The following XPR1 variants were observed in gnomAD, a reference collection of about 807,000 sequenced individuals.
XPR1 encodes the protein xenotropic and polytropic retrovirus receptor 1.
In XPR1, 28 loss-of-function variants were observed where a neutral mutation model predicts 87.5. The observed-to-expected ratio is 0.32, with a 90% CI of 0.24 to 0.44. The LOEUF (loss-of-function observed/expected upper bound fraction) is 0.44. Ranked by LOEUF, XPR1 falls within the 20% of genes least tolerant of loss-of-function variation. The probability of loss-of-function intolerance (pLI) is 1.00; values close to 1 mark genes in which losing one functional copy is unlikely to be tolerated. For missense variants in XPR1, 559 were observed against 862.3 expected, an observed-to-expected ratio of 0.65 and a Z score of 4.41; for synonymous variants, 300 against 306.1, an observed-to-expected ratio of 0.98 and a Z score of 0.21.
At chr1:180,846,261 CA>C (rs35729459) in intron 11 of XPR1, among the ~76,000 whole-genome samples, 5,887 of 128,210 alleles carry the variant, frequency 0.046, 393 homozygotes, top group African/African-American at 0.16. Flanking sequence ...GACTTCATCT[CA>C]AAAAAAAAAA....
At chr1:180,695,484 G>A (rs953750691) in intron 2 of XPR1, among the ~76,000 whole-genome samples, 2 of 151,866 alleles carry the variant, frequency 1.3e-5, no homozygotes, top group African/African-American at 4.8e-5. Flanking sequence ...CGCTTTTGAA[G>A]TCTTAGTCAT....
chr1:180,723,569 T>G (rs950900545), intron 2 of XPR1, among the ~76,000 whole-genome samples: 1 of 152,160 alleles, frequency 6.6e-6, no homozygotes, highest in Non-Finnish European at 1.5e-5. Flanking sequence ...CTTGAGAAAA[T>G]GCTTCCCATC....
intron 1 of XPR1, 116 bp from the exon 2 acceptor site, chr1:180,682,244 A>G: frequency 1.6e-6 from 1 of 623,350 alleles, no homozygotes; most frequent in Non-Finnish European, 2.6e-6. Context: ...AGTATTTATC[A>G]ATTTAGGGAG....
intron 2 of XPR1, among the ~76,000 whole-genome samples, chr1:180,690,429 G>GTTTTAAT (rs996847266): frequency 2.0e-5 from 3 of 152,092 alleles, no homozygotes; most frequent in Middle Eastern, 3.2e-3. Context: ...ATGACGGTGA[G>GTTTTAAT]TTTTAATAGG....
At chr1:180,826,970 A>G (rs1650869868) in intron 9 of XPR1, among the ~76,000 whole-genome samples, 1 of 151,948 alleles carries the variant, frequency 6.6e-6, no homozygotes, top group African/African-American at 2.4e-5. Context: ...CCTGGCTAAC[A>G]TGGCAAAACC....
chr1:180,839,583 C>T (rs1201172766), intron 11 of XPR1, among the ~76,000 whole-genome samples: 2 of 152,152 alleles, frequency 1.3e-5, no homozygotes, highest in Non-Finnish European at 2.9e-5. Flanking sequence ...GAAAAACTTA[C>T]TCCTCTACCC....
intron 2 of XPR1, among the ~76,000 whole-genome samples, chr1:180,767,131 G>A (rs950780727): frequency 9.2e-5 from 14 of 152,128 alleles, no homozygotes; most frequent in African/African-American, 3.4e-4. Context: ...AAAGGGGGAG[G>A]GGAATCCTAC....
At chr1:180,736,820 C>G (rs575583373) in intron 2 of XPR1, among the ~76,000 whole-genome samples, 1 of 152,120 alleles carries the variant, frequency 6.6e-6, no homozygotes, top group South Asian at 2.1e-4. Context: ...ATGTGTTCAA[C>G]AGTGAGCAGG....
chr1:180,845,555 C>T (rs1169405979), intron 11 of XPR1, among the ~76,000 whole-genome samples: 1 of 152,154 alleles, frequency 6.6e-6, no homozygotes, highest in Non-Finnish European at 1.5e-5. Context: ...CTTGCTCTGT[C>T]ACCCAGGCTG....
At chr1:180,804,374 C>A (rs776032660) in intron 4 of XPR1, among the ~76,000 whole-genome samples, 17 of 152,186 alleles carry the variant, frequency 1.1e-4, no homozygotes, top group Admixed American at 3.3e-4. Flanking sequence ...AAACAAAGAC[C>A]CTGACTTTTC....
intron 2 of XPR1, among the ~76,000 whole-genome samples, chr1:180,704,578 A>G (rs974198944): frequency 2.6e-5 from 4 of 151,612 alleles, no homozygotes; most frequent in East Asian, 1.9e-4. Flanking sequence ...TTCAATTTGT[A>G]TATTTCAATA....
At chr1:180,874,095 A>G in intron 13 of XPR1, 153 bp downstream of exon 13, 1 of 963,402 alleles carries the variant, frequency 1.0e-6, no homozygotes, top group South Asian at 1.8e-5. Context: ...TTGGAAAACC[A>G]TGTTGGCCAG....
intron 3 of XPR1, 55 bp downstream of exon 3, chr1:180,787,909 T>C (rs1649216755): frequency 7.7e-7 from 1 of 1,292,674 alleles, no homozygotes; most frequent in Non-Finnish European, 1.1e-6. Context: ...AATTGTACCA[T>C]ATCATTGTTT....
chr1:180,674,264 T>C (rs2101934589), intron 1 of XPR1, among the ~76,000 whole-genome samples: 1 of 152,310 alleles, frequency 6.6e-6, no homozygotes. Context: ...TGTTTGTTTT[T>C]GTGTTTGTTT....
intron 11 of XPR1, among the ~76,000 whole-genome samples, chr1:180,860,169 A>G (rs1039410890): frequency 6.6e-6 from 1 of 152,274 alleles, no homozygotes; most frequent in Admixed American, 6.5e-5. Flanking sequence ...AGATACTACA[A>G]AATGTCTATT....
intron 1 of XPR1, among the ~76,000 whole-genome samples, chr1:180,657,928 T>C (rs928704046): frequency 6.6e-6 from 1 of 152,208 alleles, no homozygotes; most frequent in African/African-American, 2.4e-5. Context: ...ACATGGAATA[T>C]CTTTCCATTT....
At position 180,853,924 on chromosome 1, in the gene XPR1, G is replaced by A. The variant is rs184373283; in HGVS notation, c.1502-9784G>A. Among the ~76,000 whole-genome samples, 18 of 151,178 alleles carry A rather than the reference G, an allele frequency of 1.2e-4. No homozygotes were observed. In the East Asian group the frequency reaches 3.5e-3, roughly 29 times the overall value. On this transcript the variant is annotated intron_variant, in intron 11 of 14. Transcript: ENST00000367590. ...GTGTAATACAGTTAAAACAGCTATA[G>A]GAATCATTAGGCATGCAGAAAGCAG...
intron 2 of XPR1, among the ~76,000 whole-genome samples, chr1:180,743,350 A>G (rs1438175859): frequency 6.6e-6 from 1 of 151,994 alleles, no homozygotes; most frequent in African/African-American, 2.4e-5. Flanking sequence ...CACTTTAAAC[A>G]GTCTATTTAG....
At chr1:180,883,903 T>A in intron 14 of XPR1, 103 bp from the exon 15 acceptor site, 1 of 981,588 alleles carries the variant, frequency 1.0e-6, no homozygotes. Flanking sequence ...CTGTTTAGGA[T>A]GTATGTTTAA....
Sources: allele counts gnomAD v4.1 joint callset (sites outside exome capture counted in the v4.1 genomes callset), GRCh38; gene constraint gnomAD v4.1.1; transcripts MANE v1.5; gene names NCBI Gene and HGNC (gene_info 2026-07-23, HGNC 2026-07-21).